Variants in VCL observed in about 807,000 individuals in gnomAD.
VCL encodes the protein epididymis luminal protein 114.
Under a neutral mutation model 125.7 loss-of-function variants are expected in VCL, and 47 were observed. The observed-to-expected ratio is 0.37, with a 90% confidence interval of 0.30 to 0.48. The LOEUF (loss-of-function observed/expected upper bound fraction) is 0.48, where lower values mean the gene tolerates loss of function less well. VCL is among the 20% of genes least tolerant of loss of function. The probability of loss-of-function intolerance (pLI) is 0.99; values close to 1 mark genes in which losing one functional copy is unlikely to be tolerated. For missense variants in VCL, 1,069 were observed against 1,455.5 expected (o/e 0.73, Z 4.32); for synonymous variants, 458 against 514.6 (o/e 0.89, Z 1.49).
At chr10:74,108,542 T>G (rs571341104) in intron 17 of VCL, among the ~76,000 whole-genome samples, 97 of 152,074 alleles carry the variant, frequency 6.4e-4, no homozygotes, top group Middle Eastern at 3.4e-3. Flanking sequence ...CGCAGTGGCA[T>G]GATCTCAGCT....
chr10:74,065,670 C>T (rs958647529), intron 2 of VCL, among the ~76,000 whole-genome samples: 13 of 148,154 alleles, frequency 8.8e-5, no homozygotes, highest in South Asian at 2.1e-4. Context: ...GGCAACAGAC[C>T]GAGACCCTGT....
chr10:74,103,120 G>A (rs1231825625), intron 14 of VCL, among the ~76,000 whole-genome samples: 4 of 152,084 alleles, frequency 2.6e-5, no homozygotes, highest in Admixed American at 1.3e-4. Context: ...CACCCGCCTC[G>A]GTCTCCCAAA....
intron 1 of VCL, among the ~76,000 whole-genome samples, chr10:74,015,651 T>A (rs1430918203): frequency 6.6e-6 from 1 of 152,168 alleles, no homozygotes. Flanking sequence ...ACTGCATTTT[T>A]AATTTAAATG....
downstream of VCL, chr10:74,120,569 G>A (rs1840409958): frequency 6.6e-6 from 1 of 152,424 alleles, no homozygotes. Flanking sequence ...CCAGGCTGCA[G>A]TGCAGTGGTG....
At chr10:74,046,493 T>C (rs1190967261) in intron 2 of VCL, among the ~76,000 whole-genome samples, 1 of 152,214 alleles carries the variant, frequency 6.6e-6, no homozygotes, top group Non-Finnish European at 1.5e-5. Context: ...TCCTCCTGCA[T>C]TGGCCTCCCA....
intron 1 of VCL, among the ~76,000 whole-genome samples, chr10:74,040,077 T>C (rs1263636410): frequency 6.6e-6 from 1 of 152,230 alleles, no homozygotes; most frequent in Non-Finnish European, 1.5e-5. Flanking sequence ...TGACTCCTTC[T>C]TAGTTTCAAA....
At chr10:74,081,882 G>A (rs796396187) in intron 6 of VCL, among the ~76,000 whole-genome samples, 1 of 152,130 alleles carries the variant, frequency 6.6e-6, no homozygotes. Context: ...ACTTTGAGGG[G>A]TTTATTTGTA....
chr10:74,014,774 A>G (rs1460325805), intron 1 of VCL, among the ~76,000 whole-genome samples: 1 of 152,172 alleles, frequency 6.6e-6, no homozygotes, highest in East Asian at 1.9e-4. Context: ...AGCCCACTGC[A>G]ACCTCCACCT....
At chr10:74,020,840 C>CAA (rs567412270) in intron 1 of VCL, among the ~76,000 whole-genome samples, 33 of 66,624 alleles carry the variant, frequency 5.0e-4, no homozygotes, top group Middle Eastern at 0.013. Context: ...GACCTTGTCT[C>CAA]AAAAAAAAAA....
chr10:74,053,003 T>C (rs949348673), intron 2 of VCL, among the ~76,000 whole-genome samples: 3 of 151,198 alleles, frequency 2.0e-5, no homozygotes, highest in Non-Finnish European at 4.4e-5. Context: ...TTAAAAGGAT[T>C]TTGCATTTTT....
intron 1 of VCL, among the ~76,000 whole-genome samples, chr10:74,031,562 T>C (rs1840873163): frequency 1.3e-5 from 2 of 152,132 alleles, no homozygotes; most frequent in South Asian, 4.1e-4. Flanking sequence ...CCTTCTTAAG[T>C]GTTACACCAA....
rs1555113627 is a variant in VCL at position 74,009,224 on chromosome 10, C to CCA, written c.168+10850_168+10851insAC. ...CTAGGTGGCTGCTGCTTTCCCCCCC[C>CCA]CCCCCCGAGCCATTTTAGTATTTAA... is the stretch of plus-strand genomic sequence containing the variant. On this transcript the variant is annotated intron_variant, in intron 1 of 21. Transcript: ENST00000211998. Among the ~76,000 whole-genome samples, 9 of 121,770 alleles carry CCA rather than the reference C, an allele frequency of 7.4e-5. 1 individual carries two copies. Among genetic ancestry groups the CCA allele is most frequent in the Non-Finnish European group, 1.2e-4 (7 of 57,416 alleles). The allele number at this position is 121,770 out of a possible 152,430, so 79.9% of individuals were successfully genotyped here.
In VCL at chr10:74,024,916, T is replaced by G. The variant is rs374932149; in HGVS notation, c.169-18167T>G. ...ATATGTGCCCATTGTGTACTTGAAG[T>G]TTTTCTTGTCCTTCTTGCCATCTGA... is the stretch of plus-strand genomic sequence containing the variant. On this transcript the variant is annotated intron_variant, in intron 1 of 21. Coordinates refer to ENST00000211998, the MANE Select transcript of VCL (RefSeq NM_014000.3). Among the ~76,000 whole-genome samples the G allele has an allele frequency of 2.5e-3, 382 of 152,318 alleles. 1 individual carries two copies. Among genetic ancestry groups the G allele is most frequent in the African/African-American group, 8.5e-3 (353 of 41,568 alleles).
At chr10:74,105,756 T>C (rs1051599785) in intron 16 of VCL, among the ~76,000 whole-genome samples, 18 of 151,978 alleles carry the variant, frequency 1.2e-4, no homozygotes, top group Admixed American at 2.0e-4. Flanking sequence ...GGTTTTGCCA[T>C]GTTGGCCAGG....
At chr10:74,091,338 T>C (rs1183395461) in intron 10 of VCL, among the ~76,000 whole-genome samples, 2 of 152,232 alleles carry the variant, frequency 1.3e-5, no homozygotes, top group African/African-American at 4.8e-5. Flanking sequence ...CATGCCATCA[T>C]TACTTAATAC....
chr10:74,017,228 T>C (rs1840562737), intron 1 of VCL, among the ~76,000 whole-genome samples: 1 of 150,952 alleles, frequency 6.6e-6, no homozygotes, highest in Admixed American at 6.6e-5. Flanking sequence ...TTTGTATTTT[T>C]AGTAGAGACG....
intron 1 of VCL, chr10:74,016,813 T>C (rs11000848): frequency 0.66 from 100,477 of 151,992 alleles, 33,733 homozygotes; most frequent in Middle Eastern, 0.7. Context: ...CTAAACTCCC[T>C]ATTTCTCATT....
At chr10:74,094,532 T>C (rs1839936793) in intron 11 of VCL, 71 bp downstream of exon 11, 1 of 1,530,980 alleles carries the variant, frequency 6.5e-7, no homozygotes, top group African/African-American at 1.4e-5. Context: ...TTGATAGGGG[T>C]CCTGTAACAT....
At chr10:74,099,581 C>A (rs1840019577) in intron 13 of VCL, among the ~76,000 whole-genome samples, 1 of 152,056 alleles carries the variant, frequency 6.6e-6, no homozygotes, top group African/African-American at 2.4e-5. Flanking sequence ...ATTTTTGTGT[C>A]CTCAGCACCT....
Sources: allele counts gnomAD v4.1 joint callset (sites outside exome capture counted in the v4.1 genomes callset), GRCh38; gene constraint gnomAD v4.1.1; transcripts MANE v1.5; gene names NCBI Gene and HGNC (gene_info 2026-07-23, HGNC 2026-07-21).